Variants in HGSNAT observed in about 807,000 individuals in gnomAD.
HGSNAT encodes the protein transmembrane protein 76.
Under a neutral mutation model 85.2 loss-of-function variants are expected in HGSNAT, and 59 were observed. That is an observed-to-expected ratio of 0.69 (90% CI 0.56 to 0.86). HGSNAT has a LOEUF of 0.86. HGSNAT is among the 40% of genes least tolerant of loss of function. HGSNAT has a pLI of 0.00. For missense variants in HGSNAT, 756 were observed against 777.1 expected (o/e 0.97, Z 0.32); for synonymous variants, 321 against 304.5 (o/e 1.05, Z -0.56).
chr8:43,155,562 A>G (rs1266953165), intron 2 of HGSNAT, among the ~76,000 whole-genome samples: 1 of 151,938 alleles, frequency 6.6e-6, no homozygotes, highest in Admixed American at 6.6e-5. Flanking sequence ...CACTCTGTGG[A>G]TTGCTTCTTT....
intron 8 of HGSNAT, 70 bp from the exon 9 acceptor site, chr8:43,173,643 G>C: frequency 6.8e-7 from 1 of 1,473,660 alleles, no homozygotes; most frequent in Non-Finnish European, 9.4e-7. Flanking sequence ...GTGTAATGAA[G>C]TCCACACTAG....
intron 1 of HGSNAT, among the ~76,000 whole-genome samples, chr8:43,143,486 C>A (rs1049046368): frequency 1.3e-5 from 2 of 151,932 alleles, no homozygotes; most frequent in African/African-American, 4.8e-5. Flanking sequence ...TTGACCTCTT[C>A]AGGCCTCAGA....
chr8:43,178,720 G>A (rs1451067999), intron 10 of HGSNAT, among the ~76,000 whole-genome samples: 2 of 149,550 alleles, frequency 1.3e-5, no homozygotes, highest in East Asian at 3.9e-4. Context: ...GTGAACAAAG[G>A]TCTCTGGTTT....
Position 43,199,840 on chromosome 8 carries a change from G to A in HGSNAT, c.*271G>A, listed in dbSNP as rs781084440. ...GGATGTCTTTGGAACTTCATTCCGAGGAGATAAGCTTTAACTTTCCAAAAG... is the reference window on the plus strand; with the variant it reads ...GGATGTCTTTGGAACTTCATTCCGAAGAGATAAGCTTTAACTTTCCAAAAG... On this transcript the variant is annotated 3_prime_UTR_variant, in exon 18 of 18. Coordinates refer to ENST00000379644, the MANE Select transcript of HGSNAT (RefSeq NM_152419.3). The A allele has an allele frequency of 3.7e-6, 1 of 267,038 alleles. No homozygotes were observed. The highest frequency in any genetic ancestry group is 7.0e-6 in the Non-Finnish European group (1 of 142,928). 16.5% of individuals were successfully genotyped at this position (267,038 alleles called of 1,614,324 possible).
At chr8:43,194,397 CAAAAA>C in intron 14 of HGSNAT, 1 of 984,922 alleles carries the variant, frequency 1.0e-6, no homozygotes, top group Non-Finnish European at 1.2e-6. Flanking sequence ...GACCCTGTCT[CAAAAA>C]AGAAAAAAAG....
chr8:43,140,656 G>C, intron 1 of HGSNAT, 42 bp downstream of exon 1: 6 of 1,038,188 alleles, frequency 5.8e-6, no homozygotes, highest in Non-Finnish European at 7.4e-6. Context: ...GGCTACGAGC[G>C]CAGCGTCTCC....
At chr8:43,167,166 A>G (rs2130736543) in intron 5 of HGSNAT, among the ~76,000 whole-genome samples, 1 of 152,334 alleles carries the variant, frequency 6.6e-6, no homozygotes, top group Non-Finnish European at 1.5e-5. Context: ...TGTTGTGAAC[A>G]TTGCTGAGAT....
rs192742108 is a variant in HGSNAT at position 43,157,994 on chromosome 8, T to A, written c.235-581T>A. On this transcript the variant is annotated intron_variant, in intron 2 of 17. Coordinates refer to ENST00000379644, the MANE Select transcript of HGSNAT (RefSeq NM_152419.3). ...TGGAAACTTACTTGTTAATATTAAA[T>A]TTATGCAAGACTTAATGCAAGACTT... Among the ~76,000 whole-genome samples the A allele has an allele frequency of 5.6e-3, 854 of 152,336 alleles. 6 individuals are homozygous for A. Among genetic ancestry groups the A allele is most frequent in the Non-Finnish European group, 8.5e-3 (581 of 68,020 alleles).
At chr8:43,145,705 C>T (rs565490865) in intron 1 of HGSNAT, among the ~76,000 whole-genome samples, 3 of 151,798 alleles carry the variant, frequency 2.0e-5, no homozygotes, top group East Asian at 1.9e-4. Flanking sequence ...GAGCCGAGAT[C>T]GCGCCACTGC....
chr8:43,154,942 G>A (rs1362004159), intron 2 of HGSNAT, among the ~76,000 whole-genome samples: 1 of 152,200 alleles, frequency 6.6e-6, no homozygotes. Flanking sequence ...CTGATGGCCA[G>A]TGATGATGAG....
At position 43,200,513 on chromosome 8, in the gene HGSNAT, A is replaced by G. The variant is rs1439670984; in HGVS notation, c.*944A>G. On this transcript the variant is annotated 3_prime_UTR_variant, in exon 18 of 18. Coordinates refer to ENST00000379644, the MANE Select transcript of HGSNAT (RefSeq NM_152419.3). ...TTCAGAAGAAATAGTTCCATTACAG[A>G]AAACTCTTCAAAATAAATAGTAGTG... The G allele has an allele frequency of 6.6e-6, 1 of 152,276 alleles. No homozygotes were observed. Among genetic ancestry groups the G allele is most frequent in the African/African-American group, 2.4e-5 (1 of 41,474 alleles). 9.4% of individuals were successfully genotyped at this position (152,276 alleles called of 1,614,324 possible).
chr8:43,195,689 G>A (rs1347948932), intron 14 of HGSNAT: 2 of 155,962 alleles, frequency 1.3e-5, no homozygotes, highest in East Asian at 3.8e-4. Context: ...TGGATGAGGA[G>A]GAGGAGGGTG....
At chr8:43,182,000 T>G in intron 10 of HGSNAT, 145 bp from the exon 11 acceptor site, 1 of 707,006 alleles carries the variant, frequency 1.4e-6, no homozygotes, top group South Asian at 1.7e-5. Context: ...CTCTTGACCG[T>G]ATATATTTCC....
chr8:43,188,906 T>C (rs1465972084), intron 11 of HGSNAT, among the ~76,000 whole-genome samples: 1 of 152,222 alleles, frequency 6.6e-6, no homozygotes, highest in Non-Finnish European at 1.5e-5. Flanking sequence ...TGGAGTTTGC[T>C]GGAGGTCCAC....
At chr8:43,169,391 C>T in intron 6 of HGSNAT, 149 bp downstream of exon 6, 1 of 501,276 alleles carries the variant, frequency 2.0e-6, no homozygotes, top group Non-Finnish European at 3.5e-6. Context: ...GAGCAGCCCT[C>T]TCTTCAGCTG....
intron 4 of HGSNAT, among the ~76,000 whole-genome samples, chr8:43,159,840 C>T (rs1394464819): frequency 2.0e-5 from 3 of 152,068 alleles, no homozygotes; most frequent in Admixed American, 6.5e-5. Flanking sequence ...ATCTGCCATT[C>T]GGAACTCCCT....
At chr8:43,179,289 GC>G (rs1278654317) in intron 10 of HGSNAT, among the ~76,000 whole-genome samples, 7 of 149,520 alleles carry the variant, frequency 4.7e-5, no homozygotes, top group African/African-American at 1.5e-4. Flanking sequence ...AGGCAGAGGG[GC>G]TCCTCACTTC....
At chr8:43,173,577 T>C (rs1478331271) in intron 8 of HGSNAT, 136 bp from the exon 9 acceptor site, 1 of 914,044 alleles carries the variant, frequency 1.1e-6, no homozygotes, top group Non-Finnish European at 1.7e-6. Flanking sequence ...CCACAAAGTG[T>C]TGGGATTACG....
chr8:43,180,728 G>C (rs1177112523), intron 10 of HGSNAT: 1 of 309,798 alleles, frequency 3.2e-6, no homozygotes, highest in Non-Finnish European at 6.3e-6. Context: ...TCGGCTCTCC[G>C]GGAGGCCAAG....
Sources: gnomAD v4.1 joint callset for allele counts (sites outside exome capture counted in the v4.1 genomes callset) on GRCh38, gnomAD v4.1.1 for gene constraint, MANE v1.5 for transcripts, NCBI Gene and HGNC (gene_info 2026-07-23, HGNC 2026-07-21) for gene names.